ERP44: variants seen among roughly 807,000 people sequenced by gnomAD.
ERP44 encodes endoplasmic reticulum resident protein 44.
Under a neutral mutation model 53.4 loss-of-function variants are expected in ERP44, and 25 were observed. The observed-to-expected ratio is 0.47, with a 90% confidence interval of 0.34 to 0.65. The LOEUF is 0.65. Ranked by LOEUF, ERP44 falls within the 30% of genes least tolerant of loss-of-function variation. The pLI, the probability that ERP44 is intolerant of heterozygous loss-of-function variation, is 0.01. For synonymous variants in ERP44, 145 were observed against 161.2 expected (o/e 0.90, Z 0.76); for missense variants, 338 against 493.2 (o/e 0.69, Z 2.98).
chr9:100,043,515 G>A (rs1330450814), intron 4 of ERP44, among the ~76,000 whole-genome samples: 1 of 151,970 alleles, frequency 6.6e-6, no homozygotes, highest in African/African-American at 2.4e-5. Context: ...AGAACTTTGG[G>A]AGGCTGAGGC....
At chr9:100,002,647 C>T (rs1181693527) in intron 10 of ERP44, among the ~76,000 whole-genome samples, 3 of 152,196 alleles carry the variant, frequency 2.0e-5, no homozygotes, top group Admixed American at 2.0e-4. Context: ...CTGGAACTCC[C>T]CTTTATATGT....
chr9:100,092,273 C>A (rs1360736518), intron 1 of ERP44, among the ~76,000 whole-genome samples: 2 of 152,220 alleles, frequency 1.3e-5, no homozygotes, highest in East Asian at 3.8e-4. Context: ...GTGACAAAAG[C>A]ATGCTAAGCA....
intron 10 of ERP44, among the ~76,000 whole-genome samples, chr9:99,993,276 A>G (rs1830274882): frequency 6.6e-6 from 1 of 152,262 alleles, no homozygotes. Flanking sequence ...ACAAGGCTAC[A>G]GTAACCAAAA....
intron 1 of ERP44, among the ~76,000 whole-genome samples, chr9:100,068,944 T>A (rs1036397457): frequency 1.3e-5 from 2 of 152,238 alleles, no homozygotes; most frequent in African/African-American, 4.8e-5. Context: ...TGTTCTGTAC[T>A]AAGAAAAATT....
intron 10 of ERP44, among the ~76,000 whole-genome samples, chr9:99,997,518 A>T (rs901441906): frequency 1.3e-5 from 2 of 152,186 alleles, no homozygotes; most frequent in Admixed American, 1.3e-4. Flanking sequence ...AGTTTCAGAA[A>T]GCTATTTTAA....
At chr9:99,989,769 C>T (rs545223088) in intron 10 of ERP44, among the ~76,000 whole-genome samples, 1 of 152,006 alleles carries the variant, frequency 6.6e-6, no homozygotes, top group African/African-American at 2.4e-5. Flanking sequence ...ACAAGGAAGC[C>T]GAAAACCTTG....
intron 4 of ERP44, among the ~76,000 whole-genome samples, chr9:100,040,288 A>C (rs1289974731): frequency 6.6e-6 from 1 of 152,236 alleles, no homozygotes; most frequent in Non-Finnish European, 1.5e-5. Flanking sequence ...AACCAAATTC[A>C]ACAGTACATT....
At chr9:100,086,662 TAAAG>T (rs1408017740) in intron 1 of ERP44, among the ~76,000 whole-genome samples, 1 of 152,192 alleles carries the variant, frequency 6.6e-6, no homozygotes, top group Non-Finnish European at 1.5e-5. Context: ...TTCAAAAAGA[TAAAG>T]AAATTTGCCT....
chr9:100,074,092 A>G (rs1028500179), intron 1 of ERP44, among the ~76,000 whole-genome samples: 3 of 152,232 alleles, frequency 2.0e-5, no homozygotes, highest in Non-Finnish European at 2.9e-5. Flanking sequence ...TTAAAAAGCC[A>G]TGATCCATGC....
At chr9:100,063,079 A>AAAAAAAAAAAAAAAAAAAAAAAAAC in intron 1 of ERP44, among the ~76,000 whole-genome samples, 1 of 145,018 alleles carries the variant, frequency 6.9e-6, no homozygotes, top group African/African-American at 2.5e-5. Context: ...GTCTCACAAA[A>AAAAAAAAAAAAAAAAAAAAAAAAAC]AAAAAAAAAA....
chr9:100,042,922 G>A (rs1020757066), intron 4 of ERP44, among the ~76,000 whole-genome samples: 18 of 152,208 alleles, frequency 1.2e-4, no homozygotes, highest in African/African-American at 4.3e-4. Flanking sequence ...AAGGGTAGTC[G>A]AGGGTCAGGG....
At chr9:100,036,012 A>G (rs1825845493) in intron 4 of ERP44, among the ~76,000 whole-genome samples, 1 of 152,226 alleles carries the variant, frequency 6.6e-6, no homozygotes, top group South Asian at 2.1e-4. Flanking sequence ...TAAGAGTTGA[A>G]CTGCCATTCA....
chr9:99,982,568 G>A lies in ERP44; in HGVS notation c.*44C>T, dbSNP rs191772569. 1.9e-5 allele frequency: 18 copies of A among 954,610 alleles called. No homozygotes were observed. Among genetic ancestry groups the A allele is most frequent in the Admixed American group, 2.6e-5 (1 of 39,080 alleles). The allele number at this position is 954,610 out of a possible 1,614,324, so 59.1% of individuals were successfully genotyped here. A position where few individuals can be genotyped will look rare whatever the true frequency, so the allele number is the denominator to read the frequency against. On this transcript the variant is annotated 3_prime_UTR_variant, in exon 12 of 12. Coordinates refer to ENST00000262455, the MANE Select transcript of ERP44 (RefSeq NM_015051.3). ...TAGGTTTACTATTTCCACCACGTAG[G>A]TTGATGCTGCTGTTGAAAGGCTTAC...
chr9:100,000,211 CA>C (rs1431107045), intron 10 of ERP44, among the ~76,000 whole-genome samples: 3 of 151,932 alleles, frequency 2.0e-5, no homozygotes, highest in African/African-American at 4.8e-5. Context: ...GTGGGAGGAT[CA>C]CTTCAGGCCA....
chr9:100,089,642 G>A (rs1826527817), intron 1 of ERP44, among the ~76,000 whole-genome samples: 1 of 149,522 alleles, frequency 6.7e-6, no homozygotes, highest in Non-Finnish European at 1.5e-5. Context: ...TTCCTTAAGT[G>A]AAAAGATGAA....
At chr9:100,082,005 C>T (rs575857772) in intron 1 of ERP44, among the ~76,000 whole-genome samples, 2 of 151,676 alleles carry the variant, frequency 1.3e-5, no homozygotes, top group African/African-American at 4.8e-5. Context: ...CATACACACA[C>T]ACAAAACAAC....
chr9:100,071,324 A>G (rs979481318), intron 1 of ERP44, among the ~76,000 whole-genome samples: 1 of 152,144 alleles, frequency 6.6e-6, no homozygotes, highest in South Asian at 2.1e-4. Context: ...TCTACACTCC[A>G]AAGTATGAGG....
intron 1 of ERP44, among the ~76,000 whole-genome samples, chr9:100,082,798 A>G (rs1189512157): frequency 6.6e-6 from 1 of 152,096 alleles, no homozygotes; most frequent in African/African-American, 2.4e-5. Flanking sequence ...CATGCAGTTC[A>G]AACCTATATT....
chr9:100,025,285 C>T (rs1830640294), intron 4 of ERP44, among the ~76,000 whole-genome samples: 1 of 151,686 alleles, frequency 6.6e-6, no homozygotes, highest in African/African-American at 2.4e-5. Context: ...TTTTTGAGGT[C>T]AACGTAATCT....
Sources: gnomAD v4.1 joint callset for allele counts (sites outside exome capture counted in the v4.1 genomes callset) on GRCh38, gnomAD v4.1.1 for gene constraint, MANE v1.5 for transcripts, NCBI Gene and HGNC (gene_info 2026-07-23, HGNC 2026-07-21) for gene names.